The following SH2D4A variants were observed in gnomAD, a reference collection of about 807,000 sequenced individuals.
SH2D4A encodes SH2 domain containing 4A, also known as SH2 domain-containing protein 4A.
In SH2D4A, 70 loss-of-function variants were observed where a neutral mutation model predicts 64.7. The observed-to-expected ratio is 1.08, with a 90% confidence interval of 0.89 to 1.32. The LOEUF (loss-of-function observed/expected upper bound fraction) is 1.32, where lower values mean the gene tolerates loss of function less well. Among genes scored for constraint, SH2D4A ranks in the 40% most tolerant of loss-of-function variants. SH2D4A has a pLI of 0.00. For missense variants in SH2D4A, 706 were observed against 540.1 expected, an observed-to-expected ratio of 1.31 and a Z score of -3.04; for synonymous variants, 268 against 200.7, an observed-to-expected ratio of 1.34 and a Z score of -2.83.
rs1328727563 is a variant in SH2D4A, at chr8:19,394,564, T to C, written c.1287T>C (p.Thr429=). 2 of 1,607,054 alleles carry C rather than the reference T, an allele frequency of 1.2e-6. No individual in the cohort carries two copies. The highest frequency in any genetic ancestry group is 4.5e-5 in the East Asian group (2 of 44,534). The change falls in exon 10 of 10, where the codon ACT becomes ACC. Residue 429 remains threonine, a synonymous_variant. Transcript: ENST00000265807. The part of the protein sequence containing the change: ...LVEYHKEEPI[T]SLGKELLLYP... ...CTGATTGACAGGAGGAACCCATCAC[T>C]TCCCTGGGGAAGGAGCTCCTTCTCT...
intron 8 of SH2D4A, among the ~76,000 whole-genome samples, chr8:19,388,873 C>A (rs930987944): frequency 6.6e-6 from 1 of 152,164 alleles, no homozygotes; most frequent in African/African-American, 2.4e-5. Context: ...GAGTAGTTGG[C>A]CTCTAGGAGC....
chr8:19,377,013 A>G (rs1426135841), intron 8 of SH2D4A, among the ~76,000 whole-genome samples: 1 of 152,180 alleles, frequency 6.6e-6, no homozygotes, highest in Admixed American at 6.5e-5. Flanking sequence ...TGATATAACA[A>G]ATGTTGTATC....
chr8:19,326,552 T>C (rs1437818552), intron 2 of SH2D4A, among the ~76,000 whole-genome samples: 1 of 152,196 alleles, frequency 6.6e-6, no homozygotes, highest in Non-Finnish European at 1.5e-5. Flanking sequence ...GTTGACTCTC[T>C]TTTGCAGCTG....
intron 8 of SH2D4A, among the ~76,000 whole-genome samples, chr8:19,385,212 T>C (rs953532353): frequency 7.1e-6 from 1 of 140,148 alleles, no homozygotes; most frequent in African/African-American, 2.6e-5. Flanking sequence ...GCTGTTTTTT[T>C]GTTTTTTTTT....
At chr8:19,372,584 T>C (rs1400061611) in intron 7 of SH2D4A, among the ~76,000 whole-genome samples, 1 of 152,166 alleles carries the variant, frequency 6.6e-6, no homozygotes, top group Non-Finnish European at 1.5e-5. Context: ...TCCCAGCAGG[T>C]GCCTCTACAG....
chr8:19,338,449 GAGATGGA>G (rs1327900782), intron 4 of SH2D4A, among the ~76,000 whole-genome samples: 1 of 152,240 alleles, frequency 6.6e-6, no homozygotes, highest in African/African-American at 2.4e-5. Flanking sequence ...TAAGGACGTT[GAGATGGA>G]AGATTATCCT....
rs2052635861 is a variant in SH2D4A, at chr8:19,347,818, T to C, written c.514-9385T>C. Among the ~76,000 whole-genome samples, 5 of 152,272 alleles carry C rather than the reference T, an allele frequency of 3.3e-5. No individual in the cohort carries two copies. The South Asian group carries it at 1.0e-3, about 32-fold the overall frequency. ...ATTAAAAAGCCTTGAGCAAAAGTCT[T>C]CCCTGTGACATATTCTTTAACCAGG... On this transcript the variant is annotated intron_variant, in intron 4 of 9. Coordinates refer to ENST00000265807, the MANE Select transcript of SH2D4A (RefSeq NM_022071.4).
intron 2 of SH2D4A, among the ~76,000 whole-genome samples, chr8:19,325,032 G>A (rs756089962): frequency 3.0e-4 from 46 of 152,102 alleles, no homozygotes; most frequent in Non-Finnish European, 5.6e-4. Flanking sequence ...AGACCTGTAA[G>A]CCTTGCAAGC....
At chr8:19,316,586 T>C (rs529955635) in intron 1 of SH2D4A, among the ~76,000 whole-genome samples, 1 of 152,204 alleles carries the variant, frequency 6.6e-6, no homozygotes, top group African/African-American at 2.4e-5. Flanking sequence ...TCCCCTAAGC[T>C]TAGCTACAGT....
At chr8:19,319,300 A>G (rs2052144237) in intron 1 of SH2D4A, 44 bp from the exon 2 acceptor site, 4 of 1,167,606 alleles carry the variant, frequency 3.4e-6, no homozygotes, top group Admixed American at 4.6e-5. Context: ...CAGTGTCCAC[A>G]CATTTTAACA....
At chr8:19,387,728 G>T (rs1338337564) in intron 8 of SH2D4A, among the ~76,000 whole-genome samples, 1 of 152,186 alleles carries the variant, frequency 6.6e-6, no homozygotes, top group Non-Finnish European at 1.5e-5. Flanking sequence ...TTAATTACTT[G>T]TGTGGCTTTA....
chr8:19,375,981 C>G (rs559400356), intron 8 of SH2D4A, among the ~76,000 whole-genome samples: 2 of 152,266 alleles, frequency 1.3e-5, no homozygotes, highest in African/African-American at 4.8e-5. Context: ...CTGTACCTGC[C>G]TCGGTCACCT....
chr8:19,319,631 C>G lies in SH2D4A; in HGVS notation c.84C>G (p.Phe28Leu), dbSNP rs779033149. 10 of 1,611,196 alleles carry G rather than the reference C, an allele frequency of 6.2e-6. No individual in the cohort carries two copies. Among genetic ancestry groups the G allele is most frequent in the Non-Finnish European group, 8.5e-6 (10 of 1,178,990 alleles). The change falls in exon 2 of 10, where the codon TTC becomes TTG. Residue 28 changes from phenylalanine (F) to leucine (L), a missense_variant. Phe to Leu is a conservative substitution (Grantham distance 22). Transcript: ENST00000265807. ...ELSEEQKQIL[F>L]FKMREEQIRR... Reference sequence around the variant, plus strand: ...GCGAAGAACAGAAACAGATCCTGTTCTTCAAGATGAGAGAGGAACAGATCC... The same window carrying G: ...GCGAAGAACAGAAACAGATCCTGTTGTTCAAGATGAGAGAGGAACAGATCC...
In SH2D4A at chr8:19,314,666, C is replaced by T. The variant is rs528282518; in HGVS notation, c.-205+843C>T. ...TGCTCCTCATCGCTCCAAAGGCTTT[C>T]GTTTGATTGCTGGTTTAATAGAAAC... On this transcript the variant is annotated intron_variant, in intron 1 of 9. Coordinates refer to ENST00000265807, the MANE Select transcript of SH2D4A (RefSeq NM_022071.4). Among the ~76,000 whole-genome samples the T allele has an allele frequency of 1.0e-3, 156 of 152,172 alleles. 2 individuals carry two copies. Among genetic ancestry groups the T allele is most frequent in the African/African-American group, 3.5e-3 (146 of 41,508 alleles).
Position 19,335,245 on chromosome 8 carries a change from G to A in SH2D4A, c.513+388G>A, listed in dbSNP as rs947288571. ...GGAGCTTGCAGTGAGCCGAGATTGCGACACTGCACTCCAGCACTCCAGCCT... is the reference window on the plus strand; with the variant it reads ...GGAGCTTGCAGTGAGCCGAGATTGCAACACTGCACTCCAGCACTCCAGCCT... On this transcript the variant is annotated intron_variant, in intron 4 of 9. Coordinates refer to ENST00000265807, the MANE Select transcript of SH2D4A (RefSeq NM_022071.4). 4.0e-5 allele frequency among the ~76,000 whole-genome samples: 6 copies of A among 151,874 alleles called. No homozygotes were observed. In the South Asian group the frequency reaches 6.2e-4, roughly 16 times the overall value.
chr8:19,383,393 G>GTT (rs1243294785), intron 8 of SH2D4A, among the ~76,000 whole-genome samples: 1 of 141,642 alleles, frequency 7.1e-6, no homozygotes, highest in South Asian at 2.2e-4. Flanking sequence ...TTTGTTCTTG[G>GTT]TTTTTTTTTT....
In SH2D4A at chr8:19,313,736, T is replaced by A; in HGVS notation, c.-292T>A. On this transcript the variant is annotated 5_prime_UTR_variant, in exon 1 of 10. Transcript: ENST00000265807. ...TGCGCCGCTTGGGACGCCTCTGCCT[T>A]TCCCTCCCTCCCTTCCCCGACGGCT... The A allele has an allele frequency of 6.6e-7, 1 of 1,509,014 alleles. No individual in the cohort carries two copies. The highest frequency in any genetic ancestry group is 8.8e-7 in the Non-Finnish European group (1 of 1,134,112). The allele number at this position is 1,509,014 out of a possible 1,614,324, so 93.5% of individuals were successfully genotyped here. A position where few individuals can be genotyped will look rare whatever the true frequency, so the allele number is the denominator to read the frequency against.
intron 4 of SH2D4A, among the ~76,000 whole-genome samples, chr8:19,336,432 C>T (rs544114598): frequency 7.2e-5 from 11 of 152,252 alleles, no homozygotes; most frequent in African/African-American, 2.6e-4. Flanking sequence ...TCATTGAGGC[C>T]TCCCGTCCTC....
chr8:19,393,206 A>G, intron 8 of SH2D4A, 112 bp from the exon 9 acceptor site: 1 of 913,092 alleles, frequency 1.1e-6, no homozygotes, highest in Non-Finnish European at 1.7e-6. Context: ...AATTGCTCTT[A>G]TTGTGTCTTA....
Sources: allele counts gnomAD v4.1 joint callset (sites outside exome capture counted in the v4.1 genomes callset), GRCh38; gene constraint gnomAD v4.1.1; transcripts MANE v1.5; gene names NCBI Gene and HGNC (gene_info 2026-07-23, HGNC 2026-07-21).